Variants in ZFPM2 observed in about 807,000 individuals in gnomAD.
ZFPM2 encodes the protein zinc finger protein, FOG family member 2, also known as zinc finger protein ZFPM2.
In ZFPM2, 20 loss-of-function variants were observed where a neutral mutation model predicts 98.6. That is an observed-to-expected ratio of 0.20 (90% CI 0.14 to 0.29). The LOEUF (loss-of-function observed/expected upper bound fraction) is 0.29, where lower values mean the gene tolerates loss of function less well. ZFPM2 is among the 10% of genes least tolerant of loss of function. The pLI, the probability that ZFPM2 is intolerant of heterozygous loss-of-function variation, is 1.00. For missense variants in ZFPM2, 1,310 were observed against 1,388.6 expected (o/e 0.94, Z 0.90); for synonymous variants, 518 against 502.7 (o/e 1.03, Z -0.41).
intron 2 of ZFPM2, among the ~76,000 whole-genome samples, chr8:105,440,353 T>G (rs1217087557): frequency 6.6e-6 from 1 of 152,206 alleles, no homozygotes; most frequent in Non-Finnish European, 1.5e-5. Flanking sequence ...GTTTTTAAAA[T>G]ACATTTTTGG....
chr8:105,449,411 C>A (rs750001077), intron 3 of ZFPM2, among the ~76,000 whole-genome samples: 9 of 151,864 alleles, frequency 5.9e-5, no homozygotes, highest in African/African-American at 2.2e-4. Context: ...TAAGTATATA[C>A]CTCTATTTAA....
intron 5 of ZFPM2, among the ~76,000 whole-genome samples, chr8:105,773,660 TAAATA>T (rs1268800502): frequency 4.0e-5 from 6 of 149,662 alleles, no homozygotes; most frequent in East Asian, 1.9e-4. Flanking sequence ...AGAAAAAAGA[TAAATA>T]AAATAAAAAT....
At chr8:105,378,351 T>G (rs1268763763) in intron 1 of ZFPM2, among the ~76,000 whole-genome samples, 1 of 152,162 alleles carries the variant, frequency 6.6e-6, no homozygotes, top group African/African-American at 2.4e-5. Context: ...TTTTTTCTTA[T>G]GAAAACTTAC....
intron 5 of ZFPM2, among the ~76,000 whole-genome samples, chr8:105,699,981 G>A (rs1478615957): frequency 1.3e-5 from 2 of 152,070 alleles, no homozygotes; most frequent in Non-Finnish European, 2.9e-5. Flanking sequence ...TTAGATCTTT[G>A]ATAACAAAGT....
intron 5 of ZFPM2, among the ~76,000 whole-genome samples, chr8:105,642,506 G>T (rs1274873980): frequency 6.6e-6 from 1 of 152,020 alleles, no homozygotes; most frequent in Non-Finnish European, 1.5e-5. Context: ...CTAAAACAAA[G>T]AAATCTTTGC....
At chr8:105,586,770 A>G (rs1312742302) in intron 4 of ZFPM2, among the ~76,000 whole-genome samples, 1 of 151,524 alleles carries the variant, frequency 6.6e-6, no homozygotes, top group East Asian at 1.9e-4. Flanking sequence ...ATACCTGAAA[A>G]TTTTTGACCT....
chr8:105,655,249 G>A (rs1334502540), intron 5 of ZFPM2, among the ~76,000 whole-genome samples: 1 of 18,428 alleles, frequency 5.4e-5, no homozygotes, highest in Non-Finnish European at 1.1e-4. Flanking sequence ...TTTTTTTTTT[G>A]AGACAGAGTT....
At chr8:105,330,637 T>G (rs1443084850) in intron 1 of ZFPM2, among the ~76,000 whole-genome samples, 1 of 119,464 alleles carries the variant, frequency 8.4e-6, no homozygotes, top group Non-Finnish European at 1.8e-5. Context: ...TATATACATA[T>G]ATATATATAT....
At chr8:105,670,014 T>C (rs1181370981) in intron 5 of ZFPM2, 1 of 152,220 alleles carries the variant, frequency 6.6e-6, no homozygotes, top group Non-Finnish European at 1.5e-5. Context: ...TAGCGAAGAA[T>C]GACAGCATGT....
intron 1 of ZFPM2, among the ~76,000 whole-genome samples, chr8:105,416,878 T>A (rs1811689647): frequency 6.6e-6 from 1 of 152,134 alleles, no homozygotes; most frequent in Admixed American, 6.6e-5. Context: ...TATGAATAAA[T>A]AATTATGTTA....
At chr8:105,725,064 A>G (rs1308936675) in intron 5 of ZFPM2, among the ~76,000 whole-genome samples, 1 of 151,872 alleles carries the variant, frequency 6.6e-6, no homozygotes, top group Non-Finnish European at 1.5e-5. Flanking sequence ...TTTGTAAAAC[A>G]TCATTTTTCC....
intron 1 of ZFPM2, among the ~76,000 whole-genome samples, chr8:105,397,992 A>G (rs1056383125): frequency 1.3e-5 from 2 of 152,162 alleles, no homozygotes; most frequent in South Asian, 2.1e-4. Context: ...ATTTGTTAAC[A>G]TGTAAGGGAA....
chr8:105,542,527 T>C (rs1814599972), intron 3 of ZFPM2, among the ~76,000 whole-genome samples: 1 of 152,162 alleles, frequency 6.6e-6, no homozygotes, highest in Admixed American at 6.6e-5. Context: ...TGAATACAGT[T>C]GGCCCCTCCC....
intron 5 of ZFPM2, among the ~76,000 whole-genome samples, chr8:105,788,423 T>C (rs1446965786): frequency 6.6e-6 from 1 of 152,230 alleles, no homozygotes; most frequent in Non-Finnish European, 1.5e-5. Context: ...AGGTTACTGA[T>C]TCAGGCAAGC....
At chr8:105,641,559 G>A (rs1816949158) in intron 5 of ZFPM2, among the ~76,000 whole-genome samples, 1 of 152,072 alleles carries the variant, frequency 6.6e-6, no homozygotes, top group South Asian at 2.1e-4. Context: ...ATTTAAAATA[G>A]AGCTGTCTGT....
chr8:105,688,059 G>A (rs4114397), intron 5 of ZFPM2, among the ~76,000 whole-genome samples: 129,175 of 152,056 alleles, frequency 0.85, 55,663 homozygotes, highest in African/African-American at 0.96. Context: ...ATGGGTTCAT[G>A]AATAACCTGA....
intron 5 of ZFPM2, among the ~76,000 whole-genome samples, chr8:105,686,473 A>G (rs1810737979): frequency 6.6e-6 from 1 of 152,086 alleles, no homozygotes; most frequent in South Asian, 2.1e-4. Context: ...GTTTAAGTTC[A>G]TGTGAGGGCA....
At chr8:105,394,189 A>G (rs776225401) in intron 1 of ZFPM2, among the ~76,000 whole-genome samples, 22 of 152,094 alleles carry the variant, frequency 1.4e-4, no homozygotes, top group East Asian at 5.8e-4. Flanking sequence ...CACCGCGCCC[A>G]GCCATAGACC....
intron 1 of ZFPM2, among the ~76,000 whole-genome samples, chr8:105,398,030 C>G (rs1811257917): frequency 6.6e-6 from 1 of 152,010 alleles, no homozygotes; most frequent in Non-Finnish European, 1.5e-5. Context: ...CAAAAAGTAT[C>G]CGCAGGTCAA....
Sources: gnomAD v4.1 joint callset for allele counts (sites outside exome capture counted in the v4.1 genomes callset) on GRCh38, gnomAD v4.1.1 for gene constraint, MANE v1.5 for transcripts, NCBI Gene and HGNC (gene_info 2026-07-23, HGNC 2026-07-21) for gene names.